Variants in SETBP1 observed in about 807,000 individuals in gnomAD.
SETBP1 encodes the protein SET binding protein 1.
A neutral mutation model predicts 101.0 loss-of-function variants in SETBP1; 9 were observed. The observed-to-expected ratio is 0.09, with a 90% CI of 0.05 to 0.16. The LOEUF is 0.16. SETBP1 is among the 10% of genes least tolerant of loss of function. The pLI is 1.00. For synonymous variants in SETBP1, 818 were observed against 788.5 expected (o/e 1.04, Z -0.63); for missense variants, 1,858 against 2,033.8 (o/e 0.91, Z 1.66).
chr18:44,883,280 G>T (rs1157517447), intron 3 of SETBP1, among the ~76,000 whole-genome samples: 1 of 152,190 alleles, frequency 6.6e-6, no homozygotes, highest in African/African-American at 2.4e-5. Flanking sequence ...AGTGGAGTGT[G>T]ATCCTTTGTC....
intron 3 of SETBP1, among the ~76,000 whole-genome samples, chr18:44,888,252 G>A (rs1011880131): frequency 6.6e-6 from 1 of 151,986 alleles, no homozygotes; most frequent in Non-Finnish European, 1.5e-5. Context: ...CTCAAACCAA[G>A]GAATTTATCC....
chr18:44,987,357 C>G (rs2072263817), intron 4 of SETBP1: 1 of 152,196 alleles, frequency 6.6e-6, no homozygotes, highest in Non-Finnish European at 1.5e-5. Flanking sequence ...CACAGAGACT[C>G]ATGAAGTCAG....
intron 4 of SETBP1, among the ~76,000 whole-genome samples, chr18:45,005,663 T>C (rs2072707905): frequency 6.7e-6 from 1 of 149,044 alleles, no homozygotes; most frequent in Non-Finnish European, 1.5e-5. Context: ...TTTTTTTTTT[T>C]TGAGACAGAG....
At chr18:44,912,764 C>T (rs1203926403) in intron 3 of SETBP1, among the ~76,000 whole-genome samples, 1 of 152,058 alleles carries the variant, frequency 6.6e-6, no homozygotes, top group Non-Finnish European at 1.5e-5. Context: ...GAATGTTTAC[C>T]CCTCCTCTGT....
chr18:44,848,062 A>G (rs2072758586), intron 2 of SETBP1, among the ~76,000 whole-genome samples: 1 of 132,562 alleles, frequency 7.5e-6, no homozygotes, highest in African/African-American at 2.9e-5. Flanking sequence ...TAACATCTCT[A>G]CTCTCTGAAG....
chr18:44,698,810 C>T lies in SETBP1; in HGVS notation c.-172-2365C>T, dbSNP rs558177632. Among the ~76,000 whole-genome samples, 11 of 152,144 alleles carry T rather than the reference C, an allele frequency of 7.2e-5. 1 individual carries two copies. In the South Asian group the frequency reaches 2.3e-3, roughly 32 times the overall value. On this transcript the variant is annotated intron_variant, in intron 1 of 5. Transcript: ENST00000649279. ...CCTTGAGGAAAAAGATTGTGTTTTC[C>T]TTAGTATTTTGATTTGAGAACAGAA...
chr18:44,698,398 T>C (rs2069055557), intron 1 of SETBP1, among the ~76,000 whole-genome samples: 1 of 152,282 alleles, frequency 6.6e-6, no homozygotes, highest in African/African-American at 2.4e-5. Flanking sequence ...TAGCACAACA[T>C]TCAAGGAAGT....
At chr18:44,968,967 G>A (rs1380602885) in intron 4 of SETBP1, among the ~76,000 whole-genome samples, 1 of 152,072 alleles carries the variant, frequency 6.6e-6, no homozygotes, top group Non-Finnish European at 1.5e-5. Context: ...TCCTTTGCTC[G>A]GATTTCTTGC....
At chr18:44,927,903 T>C (rs147510295) in intron 3 of SETBP1, among the ~76,000 whole-genome samples, 27 of 152,326 alleles carry the variant, frequency 1.8e-4, no homozygotes, top group Non-Finnish European at 3.4e-4. Flanking sequence ...TGACATTTGT[T>C]GAACACTTCC....
At chr18:45,020,941 A>G (rs760707590) in intron 4 of SETBP1, among the ~76,000 whole-genome samples, 1 of 152,184 alleles carries the variant, frequency 6.6e-6, no homozygotes, top group Non-Finnish European at 1.5e-5. Context: ...TCTTCTTTCT[A>G]TAGCGGTCAG....
At chr18:44,934,561 C>T (rs1353635415) in intron 3 of SETBP1, among the ~76,000 whole-genome samples, 2 of 152,184 alleles carry the variant, frequency 1.3e-5, no homozygotes, top group Non-Finnish European at 2.9e-5. Context: ...AGTTTCAATG[C>T]ACTCCCAAGA....
chr18:44,891,570 G>C (rs149374556), intron 3 of SETBP1, among the ~76,000 whole-genome samples: 1 of 152,042 alleles, frequency 6.6e-6, no homozygotes, highest in Non-Finnish European at 1.5e-5. Flanking sequence ...TCATGGGTGA[G>C]TCTGTTCCAC....
intron 4 of SETBP1, among the ~76,000 whole-genome samples, chr18:44,961,314 T>C (rs2071605916): frequency 6.6e-6 from 1 of 152,198 alleles, no homozygotes; most frequent in Non-Finnish European, 1.5e-5. Flanking sequence ...AATGAAAATA[T>C]GCATGAACAT....
At chr18:44,803,929 A>G (rs2071668941) in intron 2 of SETBP1, among the ~76,000 whole-genome samples, 1 of 152,184 alleles carries the variant, frequency 6.6e-6, no homozygotes. Context: ...GCAAAATGAC[A>G]GAGAAGTATG....
intron 5 of SETBP1, among the ~76,000 whole-genome samples, chr18:45,045,957 A>G (rs2073604078): frequency 6.6e-6 from 1 of 152,030 alleles, no homozygotes; most frequent in South Asian, 2.1e-4. Flanking sequence ...TGCTTCTTCA[A>G]GCCTCAGCAT....
chr18:44,680,716 T>C (rs1598981892), upstream of SETBP1, among the ~76,000 whole-genome samples: 1 of 151,922 alleles, frequency 6.6e-6, no homozygotes, highest in Admixed American at 6.5e-5. Flanking sequence ...TGGGAGCTTA[T>C]TGAGTTTCGC....
intron 3 of SETBP1, chr18:44,876,754 C>G: frequency 6.6e-7 from 1 of 1,518,504 alleles, no homozygotes; most frequent in Non-Finnish European, 8.9e-7. Context: ...AGAAGTATAA[C>G]TTCGCATGGA....
intron 2 of SETBP1, among the ~76,000 whole-genome samples, chr18:44,863,501 T>A (rs1025187072): frequency 2.6e-5 from 4 of 152,214 alleles, no homozygotes; most frequent in African/African-American, 9.6e-5. Context: ...TGTTCTGAAC[T>A]TTTTTATGGG....
chr18:44,788,407 T>G (rs553320546), intron 2 of SETBP1, among the ~76,000 whole-genome samples: 2 of 152,302 alleles, frequency 1.3e-5, no homozygotes, highest in Admixed American at 1.3e-4. Flanking sequence ...TGTTGAATCT[T>G]TTATTTATGC....
Sources: allele counts gnomAD v4.1 joint callset (sites outside exome capture counted in the v4.1 genomes callset), GRCh38; gene constraint gnomAD v4.1.1; transcripts MANE v1.5; gene names NCBI Gene and HGNC (gene_info 2026-07-23, HGNC 2026-07-21).